The following ELAPOR2 variants were observed in gnomAD, a reference collection of about 807,000 sequenced individuals.
The protein encoded by ELAPOR2 is endosome-lysosome associated apoptosis and autophagy regulator family member 2, also known as endosome/lysosome-associated apoptosis and autophagy regulator family member 2.
A neutral mutation model predicts 120.7 loss-of-function variants in ELAPOR2; 89 were observed. That is an observed-to-expected ratio of 0.74 (90% confidence interval 0.62 to 0.88). The LOEUF is 0.88. ELAPOR2 is among the 40% of genes least tolerant of loss of function. ELAPOR2 has a pLI of 0.00. For missense variants in ELAPOR2, 1,134 were observed against 1,251.6 expected (o/e 0.91, Z 1.42); for synonymous variants, 444 against 444.9 (o/e 1.00, Z 0.03).
rs772713064 is a variant in ELAPOR2 at position 86,912,143 on chromosome 7, T to G, written c.2098A>C (p.Asn700His). The change falls in exon 15 of 22, where the codon AAT becomes CAT. Residue 700 changes from asparagine to histidine, a missense_variant. Physicochemically the swap from Asn to His is moderately conservative, Grantham distance 68. This residue lies in a region of ELAPOR2 where 831 missense variants were observed against 867.6 expected (regional missense o/e 0.96). Coordinates refer to ENST00000450689, the MANE Select transcript of ELAPOR2 (RefSeq NM_001142749.3). Reference protein sequence around the residue: ...SNLSSVGSLMNGPSFTSKGTK... With the variant: ...SNLSSVGSLMHGPSFTSKGTK... ...CCTTTGGAGGTGAAGCTGGGGCCAT[T>G]CATTAATGAGCCCACACTGCTGAGG... 2.5e-6 allele frequency: 4 copies of G among 1,613,202 alleles called. No homozygotes were observed. In the Admixed American group the frequency reaches 6.7e-5, roughly 27 times the overall value.
chr7:87,036,247 G>A (rs902391033), intron 1 of ELAPOR2, among the ~76,000 whole-genome samples: 7 of 152,194 alleles, frequency 4.6e-5, no homozygotes, highest in African/African-American at 1.7e-4. Flanking sequence ...GCTGAGGTGG[G>A]ATGATTACTT....
intron 1 of ELAPOR2, among the ~76,000 whole-genome samples, chr7:87,045,983 G>T (rs1043050291): frequency 2.0e-5 from 3 of 151,862 alleles, no homozygotes; most frequent in South Asian, 2.1e-4. Context: ...AGAAAAAAAG[G>T]GCATCCAAAT....
intron 1 of ELAPOR2, among the ~76,000 whole-genome samples, chr7:86,992,650 T>C (rs1310088422): frequency 6.6e-6 from 1 of 152,106 alleles, no homozygotes; most frequent in Non-Finnish European, 1.5e-5. Context: ...ATGAAAAAAA[T>C]AGGAAAAAGC....
At chr7:86,930,315 T>C (rs942046397) in intron 8 of ELAPOR2, among the ~76,000 whole-genome samples, 1 of 151,946 alleles carries the variant, frequency 6.6e-6, no homozygotes, top group South Asian at 2.1e-4. Context: ...AAATTTTATT[T>C]TAAACAAATT....
intron 1 of ELAPOR2, among the ~76,000 whole-genome samples, chr7:87,022,350 G>T (rs940439282): frequency 6.6e-6 from 1 of 151,072 alleles, no homozygotes; most frequent in Non-Finnish European, 1.5e-5. Flanking sequence ...TTGTCCTTGC[G>T]ATAGTTTGCT....
At chr7:86,907,258 A>G (rs1366562946) in intron 18 of ELAPOR2, among the ~76,000 whole-genome samples, 1 of 152,062 alleles carries the variant, frequency 6.6e-6, no homozygotes, top group Non-Finnish European at 1.5e-5. Context: ...AAAAGCTATG[A>G]CTCAGAGGTT....
At chr7:86,900,026 G>A (rs971128476) in intron 18 of ELAPOR2, among the ~76,000 whole-genome samples, 2 of 151,820 alleles carry the variant, frequency 1.3e-5, no homozygotes. Flanking sequence ...GGTAAACAAT[G>A]AGAAAAAATA....
intron 8 of ELAPOR2, among the ~76,000 whole-genome samples, chr7:86,927,542 C>T (rs1055952488): frequency 6.6e-6 from 1 of 151,914 alleles, no homozygotes; most frequent in African/African-American, 2.4e-5. Context: ...AAGACAACCT[C>T]TGCCTTCAAG....
intron 16 of ELAPOR2, among the ~76,000 whole-genome samples, chr7:86,909,178 G>T (rs373202337): frequency 1.3e-5 from 2 of 151,984 alleles, no homozygotes; most frequent in South Asian, 2.1e-4. Context: ...AAATTCCTCT[G>T]GAGTCTATAC....
At chr7:86,881,062 C>T (rs1158797990) in intron 21 of ELAPOR2, among the ~76,000 whole-genome samples, 5 of 152,100 alleles carry the variant, frequency 3.3e-5, no homozygotes, top group Admixed American at 2.0e-4. Flanking sequence ...AACAAGTCAT[C>T]TTTGATAATA....
At chr7:86,998,682 G>T (rs1793206395) in intron 1 of ELAPOR2, among the ~76,000 whole-genome samples, 1 of 152,282 alleles carries the variant, frequency 6.6e-6, no homozygotes, top group African/African-American at 2.4e-5. Context: ...TGTCTGTGGA[G>T]CATCCTCCGA....
chr7:86,896,639 G>A (rs567870491), intron 19 of ELAPOR2, among the ~76,000 whole-genome samples: 8 of 152,012 alleles, frequency 5.3e-5, no homozygotes, highest in Non-Finnish European at 1.2e-4. Context: ...TGATTTTAAT[G>A]GAATTTGGGC....
At chr7:86,925,020 C>G (rs563471264) in intron 10 of ELAPOR2, among the ~76,000 whole-genome samples, 1 of 152,072 alleles carries the variant, frequency 6.6e-6, no homozygotes, top group South Asian at 2.1e-4. Context: ...AGAGCAAATA[C>G]AAATCAACAA....
intron 7 of ELAPOR2, among the ~76,000 whole-genome samples, 170 bp from the exon 8 acceptor site, chr7:86,938,384 C>T (rs1249782883): frequency 3.3e-5 from 5 of 151,944 alleles, no homozygotes; most frequent in South Asian, 2.1e-4. Context: ...TTTTTATTTT[C>T]CCTAGAGCAA....
intron 18 of ELAPOR2, among the ~76,000 whole-genome samples, chr7:86,900,310 C>T (rs575964152): frequency 3.9e-5 from 6 of 152,224 alleles, no homozygotes; most frequent in African/African-American, 1.4e-4. Context: ...ACTGGACACT[C>T]GAATGATTAT....
intron 1 of ELAPOR2, among the ~76,000 whole-genome samples, chr7:87,050,325 C>T (rs1011130880): frequency 6.6e-6 from 1 of 152,046 alleles, no homozygotes; most frequent in Non-Finnish European, 1.5e-5. Flanking sequence ...ATCATGGGGG[C>T]GGATTGCTCA....
chr7:86,907,742 T>C lies in ELAPOR2; in HGVS notation c.2486A>G (p.Asn829Ser), dbSNP rs763170018. 6.4e-7 allele frequency: 1 copy of C among 1,574,330 alleles called. No individual in the cohort carries two copies. The highest frequency in any genetic ancestry group is 1.2e-5 in the South Asian group (1 of 83,154). The change falls in exon 18 of 22, where the codon AAT becomes AGT. Residue 829 changes from asparagine (N) to serine (S), a missense_variant. By Grantham distance (46) the Asn-to-Ser change is conservative (BLOSUM62 1). Transcript: ENST00000450689. ...KSSTATTSCI[N>S]GRSTAVKMRC... ...CATTTTCACAGCAGTTGATCGGCCA[T>C]TAATACAAGATGTTGTTGCTGTAGA... is the stretch of plus-strand genomic sequence containing the variant.
chr7:87,046,213 T>G (rs1310097026), intron 1 of ELAPOR2, among the ~76,000 whole-genome samples: 1 of 152,068 alleles, frequency 6.6e-6, no homozygotes, highest in Non-Finnish European at 1.5e-5. Context: ...ACAATAGCCA[T>G]GAATAAAATA....
chr7:86,984,046 G>T (rs574846904), intron 1 of ELAPOR2, among the ~76,000 whole-genome samples: 5 of 152,112 alleles, frequency 3.3e-5, no homozygotes, highest in Non-Finnish European at 5.9e-5. Context: ...TGCAATCCTG[G>T]TCTCTGATAA....
Sources: gnomAD v4.1 joint callset for allele counts (sites outside exome capture counted in the v4.1 genomes callset) on GRCh38, gnomAD v4.1.1 for gene constraint, gnomAD v4.1.1 regional missense constraint, MANE v1.5 for transcripts, NCBI Gene and HGNC (gene_info 2026-07-23, HGNC 2026-07-21) for gene names.